The following WWC2 variants were observed in gnomAD, a reference collection of about 807,000 sequenced individuals.
WWC2 encodes the protein WW and C2 domain containing 2, also known as protein WWC2.
In WWC2, 101 loss-of-function variants were observed where a neutral mutation model predicts 138.5. The ratio of observed to expected loss-of-function variants is 0.73; its 90% CI spans 0.62 to 0.86. The LOEUF (loss-of-function observed/expected upper bound fraction) is 0.86. Ranked by LOEUF, WWC2 falls within the 40% of genes least tolerant of loss-of-function variation. The pLI, the probability that WWC2 is intolerant of heterozygous loss-of-function variation, is 0.00. For synonymous variants in WWC2, 558 were observed against 538.4 expected (o/e 1.04, Z -0.50); for missense variants, 1,420 against 1,419.4 (o/e 1.00, Z -0.01).
chr4:183,205,495 C>G (rs1338134866), intron 2 of WWC2, among the ~76,000 whole-genome samples: 1 of 152,090 alleles, frequency 6.6e-6, no homozygotes, highest in African/African-American at 2.4e-5. Context: ...GATTATGGGC[C>G]ATATTTTTGT....
chr4:183,247,629 AC>A (rs1736830632), intron 6 of WWC2, among the ~76,000 whole-genome samples: 2 of 138,060 alleles, frequency 1.4e-5, no homozygotes, highest in Non-Finnish European at 1.5e-5. Context: ...TATACTATAT[AC>A]TATATATACT....
Position 183,320,245 on chromosome 4 carries a change from A to G in WWC2, c.*4516A>G, listed in dbSNP as rs1739599893. 1 of 1,585,134 alleles carries G rather than the reference A, an allele frequency of 6.3e-7. No individual in the cohort carries two copies. ...ATAATGTCCTGAGAGCTTTAGCCAA[A>G]CTAACTCCTGCCCTTCGGTTGCTGT... On this transcript the variant is annotated 3_prime_UTR_variant, in exon 23 of 23. Coordinates refer to ENST00000403733, the MANE Select transcript of WWC2 (RefSeq NM_024949.6).
intron 4 of WWC2, among the ~76,000 whole-genome samples, chr4:183,220,754 A>G (rs1466528393): frequency 1.3e-5 from 2 of 152,022 alleles, no homozygotes; most frequent in Non-Finnish European, 2.9e-5. Context: ...GAATGGCGTG[A>G]ACCCGGGAGG....
At chr4:183,105,662 G>T (rs1051095752) in intron 1 of WWC2, among the ~76,000 whole-genome samples, 1 of 152,134 alleles carries the variant, frequency 6.6e-6, no homozygotes, top group African/African-American at 2.4e-5. Context: ...AGGCCAAGGC[G>T]GGTGGATCAC....
chr4:183,158,852 A>G (rs941994677), intron 1 of WWC2, among the ~76,000 whole-genome samples: 4 of 152,184 alleles, frequency 2.6e-5, no homozygotes, highest in Non-Finnish European at 4.4e-5. Flanking sequence ...AGGAGACTGT[A>G]GCGTGTAATT....
In WWC2 at chr4:183,259,666, G is replaced by A. The variant is rs1232433027; in HGVS notation, c.1224G>A (p.Glu408=). The A allele has an allele frequency of 6.5e-7, 1 of 1,545,948 alleles. No homozygotes were observed. Among genetic ancestry groups the A allele is most frequent in the Admixed American group, 2.0e-5 (1 of 50,128 alleles). The stretch of plus-strand genomic sequence containing the variant: ...TGAGATTGGAAGAGAGAAGAAAAGA[G>A]CTGCTACAGAAACTTGAAGAAACTA... ...ERLRLEERRK[E]LLQKLEETTK... is the part of the protein sequence containing the mutation. Residue 408 remains glutamate (E), a synonymous_variant, in exon 10 of 23, where the codon GAG becomes GAA. Transcript: ENST00000403733.
intron 11 of WWC2, among the ~76,000 whole-genome samples, chr4:183,264,440 G>T (rs1019869534): frequency 1.3e-5 from 2 of 152,184 alleles, no homozygotes; most frequent in Non-Finnish European, 2.9e-5. Context: ...AGCACAAAAA[G>T]TTTTTTAATG....
At chr4:183,289,727 G>A in intron 21 of WWC2, 92 bp downstream of exon 21, 1 of 1,520,932 alleles carries the variant, frequency 6.6e-7, no homozygotes, top group Non-Finnish European at 8.8e-7. Context: ...CTTCTGTTTT[G>A]CGCATAAGTC....
At chr4:183,118,434 G>A (rs1732496006) in intron 1 of WWC2, among the ~76,000 whole-genome samples, 1 of 151,906 alleles carries the variant, frequency 6.6e-6, no homozygotes, top group South Asian at 2.1e-4. Context: ...GAAATATATT[G>A]TGTATCTGAT....
chr4:183,196,772 G>A (rs1735155153), intron 2 of WWC2, among the ~76,000 whole-genome samples: 1 of 152,114 alleles, frequency 6.6e-6, no homozygotes, highest in Admixed American at 6.5e-5. Context: ...TTGTCTGAAG[G>A]CCACATCCTT....
At chr4:183,102,031 C>A (rs1272866148) in intron 1 of WWC2, among the ~76,000 whole-genome samples, 2 of 152,186 alleles carry the variant, frequency 1.3e-5, no homozygotes, top group Non-Finnish European at 2.9e-5. Flanking sequence ...AACATAATTT[C>A]ATTCAACAGG....
At chr4:183,178,264 C>T (rs1478680326) in intron 1 of WWC2, among the ~76,000 whole-genome samples, 3 of 151,828 alleles carry the variant, frequency 2.0e-5, no homozygotes, top group East Asian at 3.9e-4. Context: ...AAATCAGGGC[C>T]AGAGAGTGGC....
At chr4:183,219,480 A>C (rs993138189) in intron 4 of WWC2, among the ~76,000 whole-genome samples, 29 of 152,216 alleles carry the variant, frequency 1.9e-4, no homozygotes, top group Non-Finnish European at 3.1e-4. Flanking sequence ...ATAATGAAAA[A>C]TGTTAGAGAT....
intron 2 of WWC2, among the ~76,000 whole-genome samples, chr4:183,199,198 C>T (rs888814082): frequency 2.0e-5 from 3 of 152,132 alleles, no homozygotes; most frequent in Non-Finnish European, 4.4e-5. Flanking sequence ...GAAAGACATG[C>T]AGGAAATTCA....
At chr4:183,127,843 T>A (rs775211304) in intron 1 of WWC2, among the ~76,000 whole-genome samples, 2 of 152,118 alleles carry the variant, frequency 1.3e-5, no homozygotes, top group African/African-American at 4.8e-5. Context: ...AAGGGCCAAC[T>A]GTCCTAATTA....
rs537818156 is a variant in WWC2, at chr4:183,261,622, A to G, written c.1909+90A>G. The G allele has an allele frequency of 7.1e-5, 98 of 1,382,760 alleles. No homozygotes were observed. The African/African-American group carries it at 1.1e-3, about 16-fold the overall frequency. 85.7% of individuals were successfully genotyped at this position (1,382,760 alleles called of 1,614,324 possible). On this transcript the variant is annotated intron_variant, in intron 11 of 22. Coordinates refer to ENST00000403733, the MANE Select transcript of WWC2 (RefSeq NM_024949.6). ...TTATTTTTCCATATAAACAAAGGGT[A>G]TGATTCCCCTTCTCTTTCTTTTGAG...
At chr4:183,114,483 C>T (rs1272793188) in intron 1 of WWC2, among the ~76,000 whole-genome samples, 2 of 152,090 alleles carry the variant, frequency 1.3e-5, no homozygotes, top group African/African-American at 4.8e-5. Context: ...GTTCAGGAGA[C>T]AGCTCAGAGC....
intron 16 of WWC2, among the ~76,000 whole-genome samples, chr4:183,278,795 A>T (rs1484877832): frequency 6.6e-6 from 1 of 151,708 alleles, no homozygotes; most frequent in Non-Finnish European, 1.5e-5. Context: ...TTGTTGGTGT[A>T]TAAGAATGCT....
intron 2 of WWC2, among the ~76,000 whole-genome samples, chr4:183,199,215 C>G (rs1254431823): frequency 6.6e-6 from 1 of 152,176 alleles, no homozygotes; most frequent in Non-Finnish European, 1.5e-5. Flanking sequence ...TTCAGTGCAG[C>G]TGAAGGCTGG....
Sources: gnomAD v4.1 joint callset for allele counts (sites outside exome capture counted in the v4.1 genomes callset) on GRCh38, gnomAD v4.1.1 for gene constraint, MANE v1.5 for transcripts, NCBI Gene and HGNC (gene_info 2026-07-23, HGNC 2026-07-21) for gene names.